Variants in CSMD1 observed in about 807,000 individuals in gnomAD.
CSMD1 encodes CUB and sushi domain-containing protein 1.
In CSMD1, 213 loss-of-function variants were observed where a neutral mutation model predicts 417.5. The observed-to-expected ratio is 0.51, with a 90% confidence interval of 0.46 to 0.57. The LOEUF is 0.57. Ranked by LOEUF, CSMD1 falls within the 20% of genes least tolerant of loss-of-function variation. CSMD1 has a pLI of 0.00. For missense variants in CSMD1, 6,923 were observed against 4,529.7 expected, an observed-to-expected ratio of 1.53 and a Z score of -15.17; for synonymous variants, 2,862 against 1,736.8, an observed-to-expected ratio of 1.65 and a Z score of -16.11.
intron 11 of CSMD1, among the ~76,000 whole-genome samples, chr8:3,471,223 T>C (rs950801640): frequency 2.0e-5 from 3 of 152,220 alleles, no homozygotes; most frequent in Non-Finnish European, 2.9e-5. Context: ...ATTTAACTAA[T>C]GGGTAATGAT....
chr8:3,245,335 G>C (rs1427935522), intron 26 of CSMD1, among the ~76,000 whole-genome samples: 1 of 152,146 alleles, frequency 6.6e-6, no homozygotes, highest in South Asian at 2.1e-4. Context: ...GCCTGTGTAA[G>C]GGCATTTGCA....
chr8:3,887,132 G>T (rs1476661109), intron 5 of CSMD1, among the ~76,000 whole-genome samples: 2 of 152,124 alleles, frequency 1.3e-5, no homozygotes, highest in African/African-American at 2.4e-5. Context: ...AAACTCTATT[G>T]TGTGGGTGAG....
At chr8:4,891,768 T>C (rs1804140433) in intron 1 of CSMD1, among the ~76,000 whole-genome samples, 1 of 152,134 alleles carries the variant, frequency 6.6e-6, no homozygotes. Context: ...CCTAGTTATT[T>C]CAGTCAAGCA....
chr8:4,639,349 C>G (rs1185055603), intron 1 of CSMD1, among the ~76,000 whole-genome samples: 1 of 150,048 alleles, frequency 6.7e-6, no homozygotes, highest in Non-Finnish European at 1.5e-5. Context: ...GGAGCCAAAG[C>G]TGAAAACGGG....
At chr8:3,398,360 T>C (rs1466153974) in intron 16 of CSMD1, among the ~76,000 whole-genome samples, 1 of 152,214 alleles carries the variant, frequency 6.6e-6, no homozygotes, top group Non-Finnish European at 1.5e-5. Flanking sequence ...AACAACTTTT[T>C]TCTCTTGTTC....
intron 3 of CSMD1, among the ~76,000 whole-genome samples, chr8:4,371,144 G>C (rs1302750223): frequency 6.6e-6 from 1 of 152,150 alleles, no homozygotes; most frequent in African/African-American, 2.4e-5. Context: ...AGTAGAACAA[G>C]TTGGGTATAG....
At chr8:4,719,287 T>A (rs1418902945) in intron 1 of CSMD1, among the ~76,000 whole-genome samples, 1 of 152,198 alleles carries the variant, frequency 6.6e-6, no homozygotes, top group Admixed American at 6.5e-5. Context: ...ACAAAGTAGA[T>A]AAATAAATGA....
At chr8:3,332,116 AGAT>A (rs1806942574) in intron 23 of CSMD1, among the ~76,000 whole-genome samples, 1 of 152,250 alleles carries the variant, frequency 6.6e-6, no homozygotes, top group African/African-American at 2.4e-5. Flanking sequence ...GATAGATGAT[AGAT>A]GATGACAGGT....
intron 1 of CSMD1, among the ~76,000 whole-genome samples, chr8:4,879,932 G>A (rs751226169): frequency 2.6e-5 from 4 of 152,078 alleles, no homozygotes; most frequent in Non-Finnish European, 5.9e-5. Context: ...TTCCCAACCA[G>A]AATTCATTTT....
At chr8:4,073,389 A>C (rs2552130) in intron 3 of CSMD1, among the ~76,000 whole-genome samples, 1 of 152,026 alleles carries the variant, frequency 6.6e-6, no homozygotes, top group Non-Finnish European at 1.5e-5. Flanking sequence ...AAGCTAAAAA[A>C]AGTAAATTTA....
At chr8:4,095,656 A>G (rs1054306266) in intron 3 of CSMD1, among the ~76,000 whole-genome samples, 3 of 152,206 alleles carry the variant, frequency 2.0e-5, no homozygotes, top group Admixed American at 2.0e-4. Flanking sequence ...TCCACATTCA[A>G]CAACTGAGGG....
chr8:3,997,864 A>G, intron 5 of CSMD1, 39 bp downstream of exon 5: 3 of 1,559,624 alleles, frequency 1.9e-6, no homozygotes, highest in African/African-American at 2.7e-5. Context: ...CGGGGAAAAC[A>G]CACCTGTATC....
intron 11 of CSMD1, among the ~76,000 whole-genome samples, chr8:3,470,816 T>C (rs924593232): frequency 6.6e-6 from 1 of 152,218 alleles, no homozygotes; most frequent in Non-Finnish European, 1.5e-5. Flanking sequence ...GCTTAATTCC[T>C]GGAAGATTTA....
At chr8:4,511,716 G>A (rs1438014873) in intron 2 of CSMD1, among the ~76,000 whole-genome samples, 1 of 152,144 alleles carries the variant, frequency 6.6e-6, no homozygotes. Context: ...AACTGCTGCT[G>A]GCTCAGTGTT....
intron 1 of CSMD1, among the ~76,000 whole-genome samples, chr8:4,779,756 T>C (rs542963841): frequency 2.6e-5 from 4 of 152,288 alleles, no homozygotes; most frequent in East Asian, 1.9e-4. Flanking sequence ...ATCCTGCTAA[T>C]TGCGGTTTGC....
chr8:4,607,622 C>T lies in CSMD1; in HGVS notation c.302+29720G>A, dbSNP rs573761744. Among the ~76,000 whole-genome samples the T allele has an allele frequency of 5.9e-5, 9 of 152,044 alleles. No homozygotes were observed. In the East Asian group the frequency reaches 1.5e-3, roughly 26 times the overall value. On this transcript the variant is annotated intron_variant, in intron 2 of 69. Coordinates refer to ENST00000635120, the MANE Select transcript of CSMD1 (RefSeq NM_033225.6). ...TCCGCCAACATCATGAGAGTTCTGGCGCCAGCCATTTTTTGGTGTAAAAAT... is the reference window on the plus strand; with the variant it reads ...TCCGCCAACATCATGAGAGTTCTGGTGCCAGCCATTTTTTGGTGTAAAAAT...
intron 26 of CSMD1, among the ~76,000 whole-genome samples, chr8:3,243,297 C>T (rs923512485): frequency 1.3e-5 from 2 of 152,134 alleles, no homozygotes; most frequent in Admixed American, 6.6e-5. Context: ...GGAGGTCCCC[C>T]GATCCGAGTC....
chr8:4,788,615 G>A (rs1000826522), intron 1 of CSMD1: 2 of 920,572 alleles, frequency 2.2e-6, no homozygotes, highest in East Asian at 2.5e-5. Flanking sequence ...ATTTTTAGGG[G>A]AAAAACTACA....
At chr8:3,803,629 G>C (rs78113023) in intron 5 of CSMD1, among the ~76,000 whole-genome samples, 22 of 152,288 alleles carry the variant, frequency 1.4e-4, no homozygotes, top group African/African-American at 5.1e-4. Context: ...CAGAACATTT[G>C]AGCCTGGAAG....
Sources: gnomAD v4.1 joint callset for allele counts (sites outside exome capture counted in the v4.1 genomes callset) on GRCh38, gnomAD v4.1.1 for gene constraint, MANE v1.5 for transcripts, NCBI Gene and HGNC (gene_info 2026-07-23, HGNC 2026-07-21) for gene names.